RGS18: variants seen among roughly 807,000 people sequenced by gnomAD.
The protein encoded by RGS18 is regulator of G-protein signaling 18.
A neutral mutation model predicts 27.6 loss-of-function variants in RGS18; 22 were observed. The observed-to-expected ratio is 0.80, with a 90% CI of 0.57 to 1.14. The LOEUF (loss-of-function observed/expected upper bound fraction) is 1.14, where lower values mean the gene tolerates loss of function less well. Ranked by LOEUF, RGS18 falls within the 50% of genes most tolerant of loss-of-function variation. The pLI, the probability that RGS18 is intolerant of heterozygous loss-of-function variation, is 0.00. For synonymous variants in RGS18, 89 were observed against 84.6 expected (o/e 1.05, Z -0.29); for missense variants, 299 against 269.6 (o/e 1.11, Z -0.76).
intron 3 of RGS18, among the ~76,000 whole-genome samples, chr1:192,162,178 A>C (rs1252037053): frequency 2.0e-5 from 3 of 152,250 alleles, no homozygotes; most frequent in Non-Finnish European, 2.9e-5. Flanking sequence ...GTTTTTGGGA[A>C]AAGTAACTTA....
chr1:192,175,918 G>A (rs148712617), intron 3 of RGS18, among the ~76,000 whole-genome samples: 1 of 151,904 alleles, frequency 6.6e-6, no homozygotes, highest in Non-Finnish European at 1.5e-5. Context: ...AGGGATAATA[G>A]AAGCCTAGTA....
intron 3 of RGS18, among the ~76,000 whole-genome samples, chr1:192,180,061 TAG>T (rs1441259491): frequency 2.0e-5 from 3 of 151,584 alleles, no homozygotes; most frequent in Non-Finnish European, 4.4e-5. Context: ...TAAAAATAAG[TAG>T]AGTTAAAAAA....
rs1396704648 is a variant in RGS18, at chr1:192,158,587, G to A, written c.-51G>A. 4.1e-6 allele frequency: 6 copies of A among 1,448,670 alleles called. No homozygotes were observed. The African/African-American group carries it at 5.8e-5, about 14-fold the overall frequency. 89.7% of individuals were successfully genotyped at this position (1,448,670 alleles called of 1,614,324 possible). A position where few individuals can be genotyped will look rare whatever the true frequency, so the allele number is the denominator to read the frequency against. Reference sequence around the variant, plus strand: ...TATGTATGGAATAGTATTAATAAATGAACTAGGGAAGGATGTAATAAATTA... The same window carrying A: ...TATGTATGGAATAGTATTAATAAATAAACTAGGGAAGGATGTAATAAATTA... On this transcript the variant is annotated 5_prime_UTR_variant, in exon 1 of 5. An upstream start codon of the reference 5' UTR is lost. Transcript: ENST00000367460.
At chr1:192,173,257 T>G (rs1656295147) in intron 3 of RGS18, among the ~76,000 whole-genome samples, 1 of 151,998 alleles carries the variant, frequency 6.6e-6, no homozygotes. Flanking sequence ...TTATTTCAAC[T>G]TTTTTCAGCC....
At position 192,160,445 on chromosome 1, in the gene RGS18, T is replaced by C; in HGVS notation, c.283+6T>C. Reference sequence around the variant, plus strand: ...CAAACTGCTTTCCCATAGAGGTTAGTGGTACTTTCACCAAATACTTTGTGT... The same window carrying C: ...CAAACTGCTTTCCCATAGAGGTTAGCGGTACTTTCACCAAATACTTTGTGT... On this transcript the variant is annotated splice_donor_region_variant and intron_variant, in intron 3 of 4. Coordinates refer to ENST00000367460, the MANE Select transcript of RGS18 (RefSeq NM_130782.3). The C allele has an allele frequency of 6.2e-7, 1 of 1,601,132 alleles. No homozygotes were observed. The highest frequency in any genetic ancestry group is 8.6e-7 in the Non-Finnish European group (1 of 1,168,468).
At chr1:192,176,169 T>A (rs1656355075) in intron 3 of RGS18, among the ~76,000 whole-genome samples, 1 of 151,892 alleles carries the variant, frequency 6.6e-6, no homozygotes, top group Non-Finnish European at 1.5e-5. Context: ...GATGTTGCAT[T>A]GTCAGCACAT....
At chr1:192,159,693 T>G (rs1416512832) in intron 2 of RGS18, among the ~76,000 whole-genome samples, 1 of 152,168 alleles carries the variant, frequency 6.6e-6, no homozygotes, top group Non-Finnish European at 1.5e-5. Flanking sequence ...AACACACGCA[T>G]TATAGCAAGT....
chr1:192,182,454 T>C (rs566099138), intron 4 of RGS18, among the ~76,000 whole-genome samples: 1 of 151,724 alleles, frequency 6.6e-6, no homozygotes, highest in Admixed American at 6.6e-5. Context: ...ATGTTGAACA[T>C]TTTGTCCAAA....
intron 3 of RGS18, among the ~76,000 whole-genome samples, chr1:192,161,023 TG>T (rs1336457960): frequency 2.0e-5 from 3 of 152,140 alleles, no homozygotes; most frequent in African/African-American, 7.2e-5. Context: ...CTAATTTTTT[TG>T]TATTTTTAGT....
intron 3 of RGS18, among the ~76,000 whole-genome samples, chr1:192,180,935 C>A (rs1328709746): frequency 6.6e-6 from 1 of 151,592 alleles, no homozygotes; most frequent in East Asian, 1.9e-4. Context: ...TCCGTTCCAA[C>A]TGTAATGGCT....
chr1:192,182,380 A>T (rs961813724), intron 4 of RGS18, among the ~76,000 whole-genome samples: 1 of 151,590 alleles, frequency 6.6e-6, no homozygotes, highest in Non-Finnish European at 1.5e-5. Flanking sequence ...ATTAAAAGCC[A>T]TTCTAACCGA....
intron 2 of RGS18, among the ~76,000 whole-genome samples, chr1:192,159,885 T>A (rs972526597): frequency 8.5e-5 from 13 of 152,098 alleles, no homozygotes; most frequent in Admixed American, 3.3e-4. Context: ...TATTAAAATA[T>A]CTTATATTTC....
chr1:192,181,313 G>T lies in RGS18; in HGVS notation c.305G>T (p.Arg102Ile). 1 of 1,537,716 alleles carries T rather than the reference G, an allele frequency of 6.5e-7. No individual in the cohort carries two copies. ...ATAGATGGACTAGAGGCTTTTACCA[G>T]ATTTCTTAAAACTGAATTCAGTGAA... The part of the protein sequence containing the change: ...SHRDGLEAFT[R>I]FLKTEFSEEN... Residue 102 changes from arginine to isoleucine, a missense_variant, in exon 4 of 5, where the codon AGA becomes ATA. Arg to Ile is a moderately conservative substitution (Grantham distance 97). Coordinates refer to ENST00000367460, the MANE Select transcript of RGS18 (RefSeq NM_130782.3).
intron 1 of RGS18, 78 bp downstream of exon 1, chr1:192,158,834 T>C: frequency 1.0e-6 from 1 of 998,424 alleles, no homozygotes. Context: ...CCTCTTGTTT[T>C]TGAACTATTG....
At chr1:192,169,912 A>C (rs1037226419) in intron 3 of RGS18, 2 of 152,216 alleles carry the variant, frequency 1.3e-5, no homozygotes, top group African/African-American at 4.8e-5. Context: ...TCTAGTAAAA[A>C]AATGGATATT....
At position 192,158,602 on chromosome 1, in the gene RGS18, G is replaced by T. The variant is rs1308443669; in HGVS notation, c.-36G>T. The T allele has an allele frequency of 2.0e-6, 3 of 1,495,250 alleles. No individual in the cohort carries two copies. The highest frequency in any genetic ancestry group is 4.8e-5 in the East Asian group (2 of 41,990). 92.6% of individuals were successfully genotyped at this position (1,495,250 alleles called of 1,614,324 possible). Reference sequence around the variant, plus strand: ...ATTAATAAATGAACTAGGGAAGGATGTAATAAATTAGACATCTCTTCATTT... The same window carrying T: ...ATTAATAAATGAACTAGGGAAGGATTTAATAAATTAGACATCTCTTCATTT... On this transcript the variant is annotated 5_prime_UTR_variant, in exon 1 of 5. An upstream start codon of the reference 5' UTR is lost. Coordinates refer to ENST00000367460, the MANE Select transcript of RGS18 (RefSeq NM_130782.3).
chr1:192,181,933 G>T (rs939831548), intron 4 of RGS18, among the ~76,000 whole-genome samples: 1 of 151,514 alleles, frequency 6.6e-6, no homozygotes, highest in Non-Finnish European at 1.5e-5. Flanking sequence ...CCACATACAA[G>T]TCAGATCATG....
At chr1:192,176,184 C>CATTT (rs1227111685) in intron 3 of RGS18, among the ~76,000 whole-genome samples, 1 of 151,768 alleles carries the variant, frequency 6.6e-6, no homozygotes, top group Non-Finnish European at 1.5e-5. Flanking sequence ...GCACATTGTA[C>CATTT]ATTTATTTTT....
At position 192,184,658 on chromosome 1, in the gene RGS18, T is replaced by A; in HGVS notation, c.*104T>A. On this transcript the variant is annotated 3_prime_UTR_variant, in exon 5 of 5. Transcript: ENST00000367460. ...GTCCCATCCTTTAAACTGAAATATG[T>A]CATGTGAAATTATTTTAAAAATGTA... The A allele has an allele frequency of 9.3e-7, 1 of 1,076,890 alleles. No homozygotes were observed. Among genetic ancestry groups the A allele is most frequent in the Non-Finnish European group, 1.3e-6 (1 of 752,480 alleles). The allele number at this position is 1,076,890 out of a possible 1,614,324, so 66.7% of individuals were successfully genotyped here. A position where few individuals can be genotyped will look rare whatever the true frequency, so the allele number is the denominator to read the frequency against.
Sources: allele counts gnomAD v4.1 joint callset (sites outside exome capture counted in the v4.1 genomes callset), GRCh38; gene constraint gnomAD v4.1.1; transcripts MANE v1.5; gene names NCBI Gene and HGNC (gene_info 2026-07-23, HGNC 2026-07-21).